The following SCAMP1 variants were observed in gnomAD, a reference collection of about 807,000 sequenced individuals.
SCAMP1 encodes the protein secretory carrier-associated membrane protein 1.
In SCAMP1, 15 loss-of-function variants were observed where a neutral mutation model predicts 41.8. The observed-to-expected ratio is 0.36, with a 90% CI of 0.24 to 0.55. The LOEUF (loss-of-function observed/expected upper bound fraction) is 0.55, where lower values mean the gene tolerates loss of function less well. Among genes scored for constraint, SCAMP1 ranks in the 20% least tolerant of loss-of-function variants. The pLI, the probability that SCAMP1 is intolerant of heterozygous loss-of-function variation, is 0.86. For synonymous variants in SCAMP1, 135 were observed against 136.8 expected, an observed-to-expected ratio of 0.99 and a Z score of 0.09; for missense variants, 341 against 412.6, an observed-to-expected ratio of 0.83 and a Z score of 1.50.
chr5:78,370,198 C>G lies in SCAMP1; in HGVS notation c.57+9470C>G, dbSNP rs867310193. Among the ~76,000 whole-genome samples, 31 of 152,262 alleles carry G rather than the reference C, an allele frequency of 2.0e-4. 1 individual carries two copies. The Middle Eastern group carries it at 0.014, about 67-fold the overall frequency. ...TAAGTGTAAAGTAACATTTTCTTGC[C>G]AAAAGGGTGATAGAGTTAAGCCTGT... On this transcript the variant is annotated intron_variant, in intron 1 of 8. Coordinates refer to ENST00000621999, the MANE Select transcript of SCAMP1 (RefSeq NM_004866.6).
rs1331600248 is a variant in SCAMP1, at chr5:78,478,363, A to G, written c.*2695A>G. The G allele has an allele frequency of 3.9e-5, 6 of 152,646 alleles. No individual in the cohort carries two copies. The highest frequency in any genetic ancestry group is 1.4e-4 in the African/African-American group (6 of 41,478). 9.5% of individuals were successfully genotyped at this position (152,646 alleles called of 1,614,324 possible). ...AAGGTTTGATGTATATAGAAATTCC[A>G]TGTTTGATTTTTTAAAATATGTGTA... On this transcript the variant is annotated 3_prime_UTR_variant, in exon 9 of 9. Coordinates refer to ENST00000621999, the MANE Select transcript of SCAMP1 (RefSeq NM_004866.6).
chr5:78,467,297 C>T (rs1039036694), intron 8 of SCAMP1, among the ~76,000 whole-genome samples: 1 of 152,122 alleles, frequency 6.6e-6, no homozygotes, highest in Non-Finnish European at 1.5e-5. Flanking sequence ...TTAACCATCA[C>T]TGGCAGTGGT....
At chr5:78,472,621 A>G (rs570639129) in intron 8 of SCAMP1, among the ~76,000 whole-genome samples, 2 of 152,082 alleles carry the variant, frequency 1.3e-5, no homozygotes, top group Non-Finnish European at 2.9e-5. Flanking sequence ...TTAATACAGT[A>G]TTTAGCATTA....
At chr5:78,458,037 T>A (rs1753475936) in intron 7 of SCAMP1, 1 of 152,988 alleles carries the variant, frequency 6.5e-6, no homozygotes, top group Non-Finnish European at 1.5e-5. Context: ...CTCGCCCTGC[T>A]TCGGCTTGTG....
intron 1 of SCAMP1, among the ~76,000 whole-genome samples, chr5:78,364,013 A>G (rs1008502096): frequency 2.6e-5 from 4 of 152,260 alleles, no homozygotes; most frequent in Non-Finnish European, 2.9e-5. Context: ...ATGGGGTTTT[A>G]AAGCTATAGA....
intron 6 of SCAMP1, among the ~76,000 whole-genome samples, chr5:78,448,771 C>T (rs183771023): frequency 1.3e-3 from 193 of 152,200 alleles, no homozygotes; most frequent in East Asian, 3.3e-3. Flanking sequence ...GAGGCCGAGG[C>T]GGGCAGATCA....
At chr5:78,445,569 C>T (rs915006131) in intron 6 of SCAMP1, among the ~76,000 whole-genome samples, 3 of 151,960 alleles carry the variant, frequency 2.0e-5, no homozygotes, top group Admixed American at 2.0e-4. Flanking sequence ...AGTCTGCTTT[C>T]TGGTCTCTTC....
intron 1 of SCAMP1, among the ~76,000 whole-genome samples, chr5:78,380,122 C>G (rs1205053584): frequency 1.3e-5 from 2 of 152,184 alleles, no homozygotes; most frequent in African/African-American, 4.8e-5. Context: ...ACTTTTATAT[C>G]TCCTTATACC....
chr5:78,417,355 T>G (rs1466760222), intron 4 of SCAMP1, among the ~76,000 whole-genome samples: 1 of 152,196 alleles, frequency 6.6e-6, no homozygotes, highest in Non-Finnish European at 1.5e-5. Flanking sequence ...GAGAACACAT[T>G]TATCCTGGGT....
intron 1 of SCAMP1, among the ~76,000 whole-genome samples, chr5:78,372,412 A>C (rs1203101248): frequency 1.3e-5 from 2 of 152,204 alleles, no homozygotes; most frequent in East Asian, 1.9e-4. Context: ...AGTATGTAGC[A>C]CCAAACCCAA....
chr5:78,470,368 T>A (rs999597123), intron 8 of SCAMP1, among the ~76,000 whole-genome samples: 1 of 152,182 alleles, frequency 6.6e-6, no homozygotes, highest in Admixed American at 6.5e-5. Flanking sequence ...CAGCCTCTAA[T>A]TTGCTATGAA....
Position 78,393,357 on chromosome 5 carries a change from A to G in SCAMP1, c.135+4443A>G, listed in dbSNP as rs1287235402. ...ACATGTGGCTAATTATTTTCTGTAG[A>G]GAAGAGGTCTTGGTAAGTTGCCTAG... On this transcript the variant is annotated intron_variant, in intron 2 of 8. Coordinates refer to ENST00000621999, the MANE Select transcript of SCAMP1 (RefSeq NM_004866.6). Among the ~76,000 whole-genome samples the G allele has an allele frequency of 2.0e-5, 3 of 152,156 alleles. No homozygotes were observed. In the East Asian group the frequency reaches 5.8e-4, roughly 29 times the overall value.
intron 6 of SCAMP1, among the ~76,000 whole-genome samples, chr5:78,439,935 A>G (rs1480879052): frequency 1.3e-5 from 2 of 151,612 alleles, no homozygotes; most frequent in African/African-American, 2.4e-5. Context: ...TTTTTCTCCA[A>G]CACTTCATTT....
At chr5:78,413,470 T>C (rs1246212283) in intron 2 of SCAMP1, among the ~76,000 whole-genome samples, 1 of 149,494 alleles carries the variant, frequency 6.7e-6, no homozygotes, top group African/African-American at 2.5e-5. Context: ...CAAGTTGGAG[T>C]GCAGTGGCAT....
At chr5:78,474,964 C>T (rs10068518) in intron 8 of SCAMP1, among the ~76,000 whole-genome samples, 1 of 151,868 alleles carries the variant, frequency 6.6e-6, no homozygotes, top group Admixed American at 6.6e-5. Flanking sequence ...CTTGACCATA[C>T]ACAAAAAGTT....
chr5:78,389,306 A>G (rs1241596972), intron 2 of SCAMP1, among the ~76,000 whole-genome samples: 1 of 152,070 alleles, frequency 6.6e-6, no homozygotes, highest in Non-Finnish European at 1.5e-5. Flanking sequence ...GAATGTTTGT[A>G]TGATTGTCAT....
intron 8 of SCAMP1, among the ~76,000 whole-genome samples, chr5:78,469,450 G>A (rs1753819672): frequency 1.3e-5 from 2 of 150,926 alleles, no homozygotes; most frequent in African/African-American, 2.4e-5. Flanking sequence ...TTCTGTCCTC[G>A]GCTGATACTC....
rs974792336 is a variant in SCAMP1, at chr5:78,473,803, C to T, written c.853-1701C>T. Among the ~76,000 whole-genome samples, 4 of 152,140 alleles carry T rather than the reference C, an allele frequency of 2.6e-5. 1 individual carries two copies. Among genetic ancestry groups the T allele is most frequent in the Non-Finnish European group, 5.9e-5 (4 of 68,016 alleles). ...CTTTCTACTCTGGGTTCTCCATAGA[C>T]AGTTTCATAAATGCCAAGGTTTCAG... is the stretch of plus-strand genomic sequence containing the variant. On this transcript the variant is annotated intron_variant, in intron 8 of 8. Transcript: ENST00000621999.
chr5:78,379,685 CTTAT>C (rs1751149545), intron 1 of SCAMP1, among the ~76,000 whole-genome samples: 1 of 152,060 alleles, frequency 6.6e-6, no homozygotes, highest in Non-Finnish European at 1.5e-5. Flanking sequence ...TAAGTTATAC[CTTAT>C]TTATTTATTG....
Sources: allele counts gnomAD v4.1 joint callset (sites outside exome capture counted in the v4.1 genomes callset), GRCh38; gene constraint gnomAD v4.1.1; transcripts MANE v1.5; gene names NCBI Gene and HGNC (gene_info 2026-07-23, HGNC 2026-07-21).